The following FCHSD2 variants were observed in gnomAD, a reference collection of about 807,000 sequenced individuals.
FCHSD2 encodes FCH and double SH3 domains 2.
A neutral mutation model predicts 108.1 loss-of-function variants in FCHSD2; 38 were observed. The observed-to-expected ratio is 0.35, with a 90% CI of 0.27 to 0.46. FCHSD2 has a LOEUF of 0.46. Ranked by LOEUF, FCHSD2 falls within the 20% of genes least tolerant of loss-of-function variation. The probability of loss-of-function intolerance (pLI) is 1.00; values close to 1 mark genes in which losing one functional copy is unlikely to be tolerated. For synonymous variants in FCHSD2, 279 were observed against 314.7 expected, an observed-to-expected ratio of 0.89 and a Z score of 1.20; for missense variants, 751 against 897.8, an observed-to-expected ratio of 0.84 and a Z score of 2.09.
intron 13 of FCHSD2, among the ~76,000 whole-genome samples, chr11:72,857,047 C>G (rs912888889): frequency 6.6e-6 from 1 of 152,140 alleles, no homozygotes; most frequent in Non-Finnish European, 1.5e-5. Context: ...GGAATCAATC[C>G]AAAACATTTT....
intron 9 of FCHSD2, among the ~76,000 whole-genome samples, chr11:72,915,296 T>C (rs1435805372): frequency 6.6e-6 from 1 of 152,058 alleles, no homozygotes; most frequent in African/African-American, 2.4e-5. Context: ...ACACTGTTGG[T>C]AGGAGTGTAA....
intron 9 of FCHSD2, among the ~76,000 whole-genome samples, chr11:72,906,148 T>C (rs184454535): frequency 2.8e-3 from 432 of 152,368 alleles, no homozygotes; most frequent in Non-Finnish European, 4.7e-3. Context: ...TAGTATCTCA[T>C]TGTGGTTTTG....
intron 2 of FCHSD2, among the ~76,000 whole-genome samples, chr11:73,120,016 C>G (rs1014661951): frequency 6.6e-6 from 1 of 151,778 alleles, no homozygotes; most frequent in African/African-American, 2.4e-5. Flanking sequence ...ACATGGATGG[C>G]AGAAGGCAAA....
At chr11:73,106,623 CA>C (rs754832734) in intron 2 of FCHSD2, among the ~76,000 whole-genome samples, 1 of 151,538 alleles carries the variant, frequency 6.6e-6, no homozygotes, top group East Asian at 1.9e-4. Context: ...TAAATAAATA[CA>C]GTAACATAAC....
At position 72,977,390 on chromosome 11, in the gene FCHSD2, C is replaced by A. The variant is rs1790279; in HGVS notation, c.705+6698G>T. ...AGCAAAGTAAACAATCAACAAAGTG[C>A]AGAGACAGCCCATGGAATGGTAAAA... On this transcript the variant is annotated intron_variant, in intron 8 of 19. Coordinates refer to ENST00000409418, the MANE Select transcript of FCHSD2 (RefSeq NM_014824.3). Among the ~76,000 whole-genome samples, 532 of 152,212 alleles carry A rather than the reference C, an allele frequency of 3.5e-3. 1 individual carries two copies. The highest frequency in any genetic ancestry group is 0.012 in the African/African-American group (510 of 41,530).
intron 3 of FCHSD2, among the ~76,000 whole-genome samples, chr11:73,018,833 T>C (rs769774281): frequency 4.0e-4 from 61 of 152,278 alleles, no homozygotes; most frequent in Non-Finnish European, 6.8e-4. Flanking sequence ...TCTTCACTAT[T>C]TTAAGAGAAA....
rs1316192995 is a variant in FCHSD2 at position 72,843,245 on chromosome 11, C to A, written c.1611G>T (p.Leu537=). 6.2e-7 allele frequency: 1 copy of A among 1,614,034 alleles called. No homozygotes were observed. The highest frequency in any genetic ancestry group is 1.1e-5 in the South Asian group (1 of 91,086). Residue 537 remains leucine (L), a synonymous_variant, in exon 16 of 20, where the codon CTG becomes CTT. Coordinates refer to ENST00000409418, the MANE Select transcript of FCHSD2 (RefSeq NM_014824.3). ...GACTGTCCAAAGCGGCCAGGGACTG[C>A]AGCATGCTCAGGAGGCTGTTCGAGG... is the stretch of plus-strand genomic sequence containing the variant. ...FPTSNSLLSM[L]QSLAALDSRS...
Position 73,053,266 on chromosome 11 carries a change from T to C in FCHSD2, c.165+30429A>G, listed in dbSNP as rs1858944998. On this transcript the variant is annotated intron_variant, in intron 3 of 19. Transcript: ENST00000409418. ...ATTTGATAAAAACATTTTCAAATTT[T>C]TTCCACCAAAAGAAGATTCATACAA... is the stretch of plus-strand genomic sequence containing the variant. 2.6e-5 allele frequency among the ~76,000 whole-genome samples: 4 copies of C among 152,080 alleles called. No homozygotes were observed. In the South Asian group the frequency reaches 8.3e-4, roughly 32 times the overall value.
At chr11:73,062,039 C>T (rs544411012) in intron 3 of FCHSD2, among the ~76,000 whole-genome samples, 1 of 152,316 alleles carries the variant, frequency 6.6e-6, no homozygotes, top group South Asian at 2.1e-4. Context: ...TAGGGGCCAA[C>T]AGACACCTCA....
At chr11:73,049,132 C>G (rs1173294976) in intron 3 of FCHSD2, among the ~76,000 whole-genome samples, 1 of 152,100 alleles carries the variant, frequency 6.6e-6, no homozygotes. Context: ...TGTAAAAAGA[C>G]GTAGTGGTTT....
At chr11:73,045,112 T>C (rs1026146278) in intron 3 of FCHSD2, among the ~76,000 whole-genome samples, 1 of 149,736 alleles carries the variant, frequency 6.7e-6, no homozygotes, top group Non-Finnish European at 1.5e-5. Context: ...GCAAAGGTCA[T>C]GAACAGACAC....
chr11:72,942,720 T>C (rs1013032381), intron 8 of FCHSD2, among the ~76,000 whole-genome samples: 6 of 152,242 alleles, frequency 3.9e-5, no homozygotes, highest in African/African-American at 1.2e-4. Context: ...TTATGGTATA[T>C]GCTATGCTAT....
At chr11:72,955,556 C>T (rs540971360) in intron 8 of FCHSD2, among the ~76,000 whole-genome samples, 55 of 152,232 alleles carry the variant, frequency 3.6e-4, no homozygotes, top group African/African-American at 1.3e-3. Flanking sequence ...AAGTTCCAAC[C>T]CTTTAATCAT....
intron 10 of FCHSD2, among the ~76,000 whole-genome samples, chr11:72,892,651 C>G (rs1855339908): frequency 6.6e-6 from 1 of 152,172 alleles, no homozygotes; most frequent in African/African-American, 2.4e-5. Context: ...GTTGGCCAGG[C>G]TGGAGTGCAG....
chr11:72,849,689 G>T, intron 14 of FCHSD2, 66 bp downstream of exon 14: 1 of 1,228,422 alleles, frequency 8.1e-7, no homozygotes, highest in Non-Finnish European at 1.2e-6. Context: ...AGACTGGATG[G>T]ATACAGTCAT....
chr11:73,007,918 TC>T (rs1428302580), intron 4 of FCHSD2, among the ~76,000 whole-genome samples: 1 of 152,236 alleles, frequency 6.6e-6, no homozygotes, highest in Non-Finnish European at 1.5e-5. Flanking sequence ...ATTTATTATT[TC>T]TGACGACTAT....
At chr11:73,073,628 A>G (rs6592508) in intron 3 of FCHSD2, among the ~76,000 whole-genome samples, 68,985 of 151,988 alleles carry the variant, frequency 0.45, 16,598 homozygotes, top group South Asian at 0.65. Flanking sequence ...CAAACGCTCA[A>G]TCTTTTTAGT....
At chr11:73,025,145 C>G (rs1194446410) in intron 3 of FCHSD2, among the ~76,000 whole-genome samples, 1 of 152,132 alleles carries the variant, frequency 6.6e-6, no homozygotes. Flanking sequence ...TGGGTACATA[C>G]CCAAAGGAAT....
At chr11:73,070,250 C>A (rs1470286369) in intron 3 of FCHSD2, among the ~76,000 whole-genome samples, 2 of 152,112 alleles carry the variant, frequency 1.3e-5, no homozygotes, top group South Asian at 2.1e-4. Flanking sequence ...TTCTAACAAG[C>A]CTCTTATATG....
Sources: gnomAD v4.1 joint callset for allele counts (sites outside exome capture counted in the v4.1 genomes callset) on GRCh38, gnomAD v4.1.1 for gene constraint, MANE v1.5 for transcripts, NCBI Gene and HGNC (gene_info 2026-07-23, HGNC 2026-07-21) for gene names.